STAG1: variants seen among roughly 807,000 people sequenced by gnomAD.
STAG1 encodes STAG1 cohesin complex component, also known as cohesin subunit SA-1.
Under a neutral mutation model 170.9 loss-of-function variants are expected in STAG1, and 26 were observed. The ratio of observed to expected loss-of-function variants is 0.15; its 90% CI spans 0.11 to 0.21. The LOEUF (loss-of-function observed/expected upper bound fraction) is 0.21, where lower values mean the gene tolerates loss of function less well. STAG1 is among the 10% of genes least tolerant of loss of function. STAG1 has a pLI of 1.00. For synonymous variants in STAG1, 514 were observed against 497.7 expected, an observed-to-expected ratio of 1.03 and a Z score of -0.44; for missense variants, 964 against 1,509.5, an observed-to-expected ratio of 0.64 and a Z score of 5.99.
chr3:136,501,165 T>G (rs1933444217), intron 8 of STAG1, among the ~76,000 whole-genome samples: 1 of 152,252 alleles, frequency 6.6e-6, no homozygotes, highest in Non-Finnish European at 1.5e-5. Flanking sequence ...TAAAAATTAT[T>G]TTTATTGCAT....
At chr3:136,530,916 G>C (rs2107927790) in intron 6 of STAG1, among the ~76,000 whole-genome samples, 1 of 152,250 alleles carries the variant, frequency 6.6e-6, no homozygotes, top group South Asian at 2.1e-4. Flanking sequence ...GATCAGCCTA[G>C]CCAACATGGT....
intron 10 of STAG1, among the ~76,000 whole-genome samples, 172 bp from the exon 11 acceptor site, chr3:136,473,809 A>C (rs1460054621): frequency 6.6e-6 from 1 of 152,156 alleles, no homozygotes. Context: ...TATGTAAAAA[A>C]AAAAAAAAAT....
intron 12 of STAG1, among the ~76,000 whole-genome samples, chr3:136,467,923 G>A (rs570044591): frequency 2.6e-5 from 4 of 152,258 alleles, no homozygotes; most frequent in Admixed American, 6.5e-5. Context: ...GGTACATAAC[G>A]AAATGAAGGC....
chr3:136,720,804 A>G (rs1471317745), intron 1 of STAG1, among the ~76,000 whole-genome samples: 1 of 152,066 alleles, frequency 6.6e-6, no homozygotes, highest in African/African-American at 2.4e-5. Flanking sequence ...AAAAAGAAAA[A>G]GAAAAAGAAA....
intron 3 of STAG1, among the ~76,000 whole-genome samples, chr3:136,609,912 A>G (rs1939180756): frequency 6.6e-6 from 1 of 152,184 alleles, no homozygotes; most frequent in African/African-American, 2.4e-5. Flanking sequence ...TCATATCCTA[A>G]AAGACAAAGC....
At chr3:136,506,062 T>C (rs1470075158) in intron 7 of STAG1, among the ~76,000 whole-genome samples, 2 of 152,178 alleles carry the variant, frequency 1.3e-5, no homozygotes, top group African/African-American at 4.8e-5. Context: ...GGCTCATGAA[T>C]TAAATCTAAG....
chr3:136,748,229 GTC>G, intron 1 of STAG1, among the ~76,000 whole-genome samples: 1 of 151,916 alleles, frequency 6.6e-6, no homozygotes, highest in South Asian at 2.1e-4. Flanking sequence ...GTGAAACACT[GTC>G]TCTACCAAAT....
intron 6 of STAG1, among the ~76,000 whole-genome samples, chr3:136,523,212 C>T (rs112582685): frequency 6.6e-6 from 1 of 152,056 alleles, no homozygotes; most frequent in Admixed American, 6.6e-5. Context: ...CTATTTCTCC[C>T]CATCCTCTTC....
intron 14 of STAG1, among the ~76,000 whole-genome samples, chr3:136,447,509 T>C (rs1342582079): frequency 6.6e-6 from 1 of 151,574 alleles, no homozygotes; most frequent in East Asian, 1.9e-4. Context: ...GTGACCATAC[T>C]GCCAGATTAT....
chr3:136,499,046 C>G (rs781541589), intron 9 of STAG1, among the ~76,000 whole-genome samples: 1 of 152,188 alleles, frequency 6.6e-6, no homozygotes. Flanking sequence ...GCATATTCAA[C>G]AAGTTAGACC....
At chr3:136,595,545 C>T (rs1329810798) in intron 4 of STAG1, among the ~76,000 whole-genome samples, 2 of 151,830 alleles carry the variant, frequency 1.3e-5, no homozygotes, top group East Asian at 1.9e-4. Context: ...TACAAAACTG[C>T]GGGCGCCTGC....
chr3:136,696,336 C>T (rs1942891182), intron 1 of STAG1, among the ~76,000 whole-genome samples: 1 of 152,110 alleles, frequency 6.6e-6, no homozygotes, highest in African/African-American at 2.4e-5. Context: ...GCTTTTTCCT[C>T]CTTGGCCCCT....
At chr3:136,673,356 C>T (rs930082233) in intron 1 of STAG1, among the ~76,000 whole-genome samples, 3 of 152,080 alleles carry the variant, frequency 2.0e-5, no homozygotes, top group African/African-American at 7.2e-5. Context: ...CTGTATGACA[C>T]GGTTGAGTAT....
At chr3:136,433,316 A>C (rs2088363757) in intron 16 of STAG1, among the ~76,000 whole-genome samples, 1 of 151,988 alleles carries the variant, frequency 6.6e-6, no homozygotes, top group Non-Finnish European at 1.5e-5. Flanking sequence ...ATATATATAT[A>C]TATAAAATAC....
intron 16 of STAG1, among the ~76,000 whole-genome samples, chr3:136,431,252 T>C (rs548314567): frequency 1.3e-5 from 2 of 152,148 alleles, no homozygotes; most frequent in South Asian, 4.1e-4. Context: ...TATCACCTTA[T>C]GATATTCCTT....
chr3:136,452,726 G>A (rs2088981086), intron 13 of STAG1, among the ~76,000 whole-genome samples: 2 of 152,242 alleles, frequency 1.3e-5, no homozygotes, highest in African/African-American at 2.4e-5. Context: ...TCAAATATGT[G>A]TGAAAATGAT....
At chr3:136,629,057 A>G (rs1323921840) in intron 2 of STAG1, among the ~76,000 whole-genome samples, 1 of 152,248 alleles carries the variant, frequency 6.6e-6, no homozygotes, top group African/African-American at 2.4e-5. Context: ...ACCACTGTCC[A>G]GTACCCACAG....
chr3:136,552,411 T>C (rs1418120172), intron 5 of STAG1, among the ~76,000 whole-genome samples: 1 of 152,216 alleles, frequency 6.6e-6, no homozygotes, highest in Non-Finnish European at 1.5e-5. Flanking sequence ...CAATATTATT[T>C]ATACAAATCC....
chr3:136,513,607 C>A (rs1438567462), intron 7 of STAG1, among the ~76,000 whole-genome samples: 1 of 151,974 alleles, frequency 6.6e-6, no homozygotes, highest in Non-Finnish European at 1.5e-5. Context: ...TAGCACTGGA[C>A]TTCTCAACAG....
Sources: allele counts gnomAD v4.1 joint callset (sites outside exome capture counted in the v4.1 genomes callset), GRCh38; gene constraint gnomAD v4.1.1; transcripts MANE v1.5; gene names NCBI Gene and HGNC (gene_info 2026-07-23, HGNC 2026-07-21).